Variants in SYDE2 observed in about 807,000 individuals in gnomAD.
The protein encoded by SYDE2 is rho GTPase-activating protein SYDE2.
A neutral mutation model predicts 91.5 loss-of-function variants in SYDE2; 76 were observed. The observed-to-expected ratio is 0.83, with a 90% confidence interval of 0.69 to 1.01. SYDE2 has a LOEUF of 1.01. SYDE2 is among the 50% of genes least tolerant of loss of function. The pLI is 0.00. For missense variants in SYDE2, 1,364 were observed against 1,367.7 expected, an observed-to-expected ratio of 1.00 and a Z score of 0.04; for synonymous variants, 513 against 506.4, an observed-to-expected ratio of 1.01 and a Z score of -0.18.
downstream of SYDE2, among the ~76,000 whole-genome samples, chr1:85,154,398 G>C (rs145494570): frequency 0.33 from 2,030 of 6,202 alleles, 144 homozygotes; most frequent in African/African-American, 0.48. Flanking sequence ...TCGCTCTGTC[G>C]CCCAGGCTGG....
At chr1:85,193,367 A>T (rs1447570548) in intron 1 of SYDE2, among the ~76,000 whole-genome samples, 1 of 152,226 alleles carries the variant, frequency 6.6e-6, no homozygotes, top group Non-Finnish European at 1.5e-5. Context: ...TACATTACTC[A>T]TGATGGCTAT....
intron 6 of SYDE2, among the ~76,000 whole-genome samples, chr1:85,162,167 T>C (rs1304077042): frequency 6.6e-6 from 1 of 151,848 alleles, no homozygotes; most frequent in East Asian, 1.9e-4. Context: ...AAACAAAAAA[T>C]AACATGAAAC....
At chr1:85,167,436 A>G (rs959005630) in intron 5 of SYDE2, among the ~76,000 whole-genome samples, 4 of 152,194 alleles carry the variant, frequency 2.6e-5, no homozygotes, top group African/African-American at 4.8e-5. Context: ...AATCCACTCA[A>G]TGGTATATCA....
chr1:85,155,009 C>CAAAAAAAAAAAAAAAAAAAAAAA, downstream of SYDE2, among the ~76,000 whole-genome samples: 4 of 80,644 alleles, frequency 5.0e-5, no homozygotes, highest in African/African-American at 6.3e-5. Flanking sequence ...AAGAATGCAG[C>CAAAAAAAAAAAAAAAAAAAAAAA]AAAAAAAAAA....
intron 1 of SYDE2, among the ~76,000 whole-genome samples, chr1:85,194,180 CTTAAA>C (rs1229241736): frequency 2.6e-5 from 4 of 151,416 alleles, no homozygotes; most frequent in East Asian, 1.9e-4. Flanking sequence ...TTTTATCTCA[CTTAAA>C]TTAAATGGAT....
downstream of SYDE2, chr1:85,153,077 TAA>T (rs1369295299): frequency 1.3e-5 from 2 of 152,200 alleles, no homozygotes; most frequent in African/African-American, 4.8e-5. Context: ...AGGAACTGCT[TAA>T]GTAACATCTG....
chr1:85,186,698 A>G (rs1448353303), intron 2 of SYDE2, among the ~76,000 whole-genome samples: 7 of 151,946 alleles, frequency 4.6e-5, no homozygotes, highest in African/African-American at 1.7e-4. Flanking sequence ...CAGAGCCCTC[A>G]GAAATAATGC....
intron 6 of SYDE2, chr1:85,161,256 T>A (rs1307510033): frequency 4.0e-6 from 1 of 250,252 alleles, no homozygotes; most frequent in Non-Finnish European, 6.3e-6. Context: ...ATTATCCTTT[T>A]ATCTATAATT....
Position 85,164,673 on chromosome 1 carries a change from C to A in SYDE2, c.2938G>T (p.Val980Leu), listed in dbSNP as rs1196969649. The change falls in exon 6 of 7, where the codon GTG becomes TTG. Residue 980 changes from valine (V) to leucine (L), a missense_variant. By Grantham distance (32) the Val-to-Leu change is conservative. Transcript: ENST00000341460. ...CTTAATAATACTGGTCCAAAGCACA[C>A]AGCCAAATTCTGGCACGTCATCTTA... ...VNKMTCQNLA[V>L]CFGPVLLSQR... 6.5e-7 allele frequency: 1 copy of A among 1,550,366 alleles called. No individual in the cohort carries two copies. Among genetic ancestry groups the A allele is most frequent in the South Asian group, 1.2e-5 (1 of 80,382 alleles).
At chr1:85,195,590 T>C (rs1353365356) in intron 1 of SYDE2, among the ~76,000 whole-genome samples, 1 of 151,412 alleles carries the variant, frequency 6.6e-6, no homozygotes, top group African/African-American at 2.4e-5. Flanking sequence ...AAGCTGTGTG[T>C]TAGCTTTTGA....
In SYDE2 at chr1:85,200,535, C is replaced by G. The variant is rs1216315116; in HGVS notation, c.462G>C (p.Ser154=). 2.5e-6 allele frequency: 4 copies of G among 1,612,116 alleles called. No homozygotes were observed. The highest frequency in any genetic ancestry group is 3.4e-6 in the Non-Finnish European group (4 of 1,179,706). The stretch of plus-strand genomic sequence containing the variant: ...CCGCTGGATCCCTGAAAGGGCTTCC[C>G]GAGGAGCAGCCGTGGTCCTTGCAGC... ...PPGCKDHGCS[S]GSPFRDPAGS... is the part of the protein sequence containing the mutation. The change falls in exon 1 of 7, where the codon TCG becomes TCC. Residue 154 remains serine (S), a synonymous_variant. Coordinates refer to ENST00000341460, the MANE Select transcript of SYDE2 (RefSeq NM_032184.2).
intron 2 of SYDE2, among the ~76,000 whole-genome samples, chr1:85,187,558 C>T (rs1430968015): frequency 5.3e-5 from 8 of 150,202 alleles, no homozygotes; most frequent in African/African-American, 2.0e-4. Context: ...TATAAAGACA[C>T]ATGCACACGT....
At chr1:85,177,193 T>C (rs1448973824) in intron 4 of SYDE2, among the ~76,000 whole-genome samples, 1 of 152,142 alleles carries the variant, frequency 6.6e-6, no homozygotes, top group Non-Finnish European at 1.5e-5. Flanking sequence ...TTATGGACAA[T>C]TGCAACACTT....
chr1:85,182,227 TAGTCC>T lies in SYDE2; in HGVS notation c.2410_2414del (p.Gly804ArgfsTer12). The T allele has an allele frequency of 6.2e-7, 1 of 1,610,128 alleles. No homozygotes were observed. ...ATATTATTGGTTCTTGGTTTATATC[TAGTCC>T]ATGAAGAGAATTCTCCCACTGTTCC... is the stretch of plus-strand genomic sequence containing the variant. On this transcript the variant is annotated frameshift_variant, in exon 3 of 7. Transcript: ENST00000341460. LOFTEE classifies it high-confidence loss of function.
chr1:85,155,281 C>T (rs568424468), downstream of SYDE2, among the ~76,000 whole-genome samples: 3 of 152,074 alleles, frequency 2.0e-5, no homozygotes, highest in Admixed American at 2.0e-4. Flanking sequence ...CTGAACAAAT[C>T]TGGTAATTCA....
At position 85,182,403 on chromosome 1, in the gene SYDE2, ATAC is replaced by A; in HGVS notation, c.2236_2238del (p.Val746del). On this transcript the variant is annotated inframe_deletion, in exon 3 of 7. Coordinates refer to ENST00000341460, the MANE Select transcript of SYDE2 (RefSeq NM_032184.2). The stretch of plus-strand genomic sequence containing the variant: ...TTTCTTGGAGTGGGTTCCCAACTGA[ATAC>A]TACTAGTTTCAAATGTTGTGCATTT... The A allele has an allele frequency of 6.2e-7, 1 of 1,613,808 alleles. No individual in the cohort carries two copies. Among genetic ancestry groups the A allele is most frequent in the South Asian group, 1.1e-5 (1 of 91,066 alleles).
intron 1 of SYDE2, among the ~76,000 whole-genome samples, chr1:85,199,500 TTATA>T (rs1387389487): frequency 1.3e-5 from 2 of 152,188 alleles, no homozygotes; most frequent in Admixed American, 6.5e-5. Context: ...TTTACTTCTC[TTATA>T]AATAGGATTT....
At chr1:85,152,930 C>G (rs1656811259), downstream of SYDE2, 1 of 152,212 alleles carries the variant, frequency 6.6e-6, no homozygotes, top group East Asian at 1.9e-4. Flanking sequence ...TCAGATAGTA[C>G]CATAAGTATT....
chr1:85,192,911 C>T (rs1231737883), intron 1 of SYDE2, among the ~76,000 whole-genome samples: 1 of 152,140 alleles, frequency 6.6e-6, no homozygotes, highest in Admixed American at 6.5e-5. Context: ...GGATATTCAT[C>T]CCAATTTATC....
Sources: allele counts gnomAD v4.1 joint callset (sites outside exome capture counted in the v4.1 genomes callset), GRCh38; gene constraint gnomAD v4.1.1; transcripts MANE v1.5; gene names NCBI Gene and HGNC (gene_info 2026-07-23, HGNC 2026-07-21).